The following OSBPL9 variants were observed in gnomAD, a reference collection of about 807,000 sequenced individuals.
The protein encoded by OSBPL9 is oxysterol-binding protein-related protein 9.
OSBPL9 carries 40 observed loss-of-function variants against 106.6 expected under a neutral mutation model. That is an observed-to-expected ratio of 0.38 (90% CI 0.29 to 0.49). The LOEUF (loss-of-function observed/expected upper bound fraction) is 0.49. OSBPL9 is among the 20% of genes least tolerant of loss of function. The pLI is 0.97. For synonymous variants in OSBPL9, 269 were observed against 295.4 expected (o/e 0.91, Z 0.92); for missense variants, 609 against 887.2 (o/e 0.69, Z 3.98).
intron 1 of OSBPL9, among the ~76,000 whole-genome samples, chr1:51,625,988 A>G (rs776247654): frequency 1.3e-5 from 2 of 152,088 alleles, no homozygotes; most frequent in Non-Finnish European, 2.9e-5. Flanking sequence ...TTGATTGTCT[A>G]TTTCTTGGAG....
At chr1:51,628,017 A>G (rs1158934898) in intron 1 of OSBPL9, among the ~76,000 whole-genome samples, 1 of 151,488 alleles carries the variant, frequency 6.6e-6, no homozygotes, top group Non-Finnish European at 1.5e-5. Context: ...TTGTACTCTT[A>G]ATTATTTTTC....
intron 1 of OSBPL9, among the ~76,000 whole-genome samples, chr1:51,619,465 C>T (rs572370686): frequency 6.6e-6 from 1 of 152,148 alleles, no homozygotes; most frequent in African/African-American, 2.4e-5. Context: ...ACTTTTTTCC[C>T]CCTCAATGCT....
At chr1:51,749,490 A>G (rs1333431376) in intron 7 of OSBPL9, 2 of 431,348 alleles carry the variant, frequency 4.6e-6, no homozygotes, top group Non-Finnish European at 9.5e-6. Context: ...TTTTTATTTT[A>G]ATTTTTTATA....
chr1:51,771,919 G>A lies in OSBPL9; in HGVS notation c.939-151G>A, dbSNP rs151146066. On this transcript the variant is annotated intron_variant, in intron 12 of 23. Transcript: ENST00000428468. ...AACATGGCTTTGTTGAGCACATCCTGTGCATAAAGGATAAGACAAGAGACC... is the reference window on the plus strand; with the variant it reads ...AACATGGCTTTGTTGAGCACATCCTATGCATAAAGGATAAGACAAGAGACC... 1,660 of 566,986 alleles carry A rather than the reference G, an allele frequency of 2.9e-3. 35 individuals carry two copies. The Admixed American group carries it at 0.03, about 10-fold the overall frequency. The allele number at this position is 566,986 out of a possible 1,614,324, so 35.1% of individuals were successfully genotyped here.
At chr1:51,671,969 A>G (rs1207847364) in intron 3 of OSBPL9, among the ~76,000 whole-genome samples, 2 of 152,204 alleles carry the variant, frequency 1.3e-5, no homozygotes, top group African/African-American at 4.8e-5. Flanking sequence ...ATATATTTGA[A>G]GAACAGCTAG....
intron 1 of OSBPL9, among the ~76,000 whole-genome samples, chr1:51,650,870 G>A (rs182467068): frequency 1.5e-4 from 23 of 152,274 alleles, no homozygotes; most frequent in African/African-American, 4.8e-4. Context: ...TAGCACTTTT[G>A]CATAACATAG....
At chr1:51,570,336 T>G in the OSBPL9 span, among the ~76,000 whole-genome samples, 2 of 152,214 alleles carry the variant, frequency 1.3e-5, no homozygotes, top group South Asian at 4.1e-4. Flanking sequence ...TTCTCCTAAT[T>G]TCTCTGCTTT....
At chr1:51,711,939 A>G (rs1378360182) in intron 3 of OSBPL9, among the ~76,000 whole-genome samples, 3 of 150,848 alleles carry the variant, frequency 2.0e-5, no homozygotes, top group African/African-American at 7.3e-5. Context: ...CTAGGCAGCC[A>G]GGCAGAGGGG....
At chr1:51,532,086 G>A in the OSBPL9 span, among the ~76,000 whole-genome samples, 1 of 152,220 alleles carries the variant, frequency 6.6e-6, no homozygotes, top group Non-Finnish European at 1.5e-5. Flanking sequence ...GAAGTCTTTG[G>A]TGACCTTGGT....
intron 20 of OSBPL9, 176 bp downstream of exon 20, chr1:51,784,758 CAT>C (rs1677209439): frequency 1.5e-5 from 11 of 745,724 alleles, no homozygotes; most frequent in Middle Eastern, 2.8e-4. Flanking sequence ...AGACCTAAAA[CAT>C]ATATTCAGAG....
chr1:51,643,150 A>G (rs1645914673), intron 1 of OSBPL9, among the ~76,000 whole-genome samples: 1 of 152,146 alleles, frequency 6.6e-6, no homozygotes, highest in African/African-American at 2.4e-5. Flanking sequence ...ATCAATAAAG[A>G]GCACACTCCT....
the OSBPL9 span, among the ~76,000 whole-genome samples, chr1:51,518,735 T>G: frequency 2.0e-5 from 3 of 151,870 alleles, no homozygotes; most frequent in African/African-American, 7.2e-5. Context: ...CAACTCCTAC[T>G]GGGGGCGGCG....
At chr1:51,527,428 C>T in the OSBPL9 span, among the ~76,000 whole-genome samples, 1 of 151,890 alleles carries the variant, frequency 6.6e-6, no homozygotes, top group Non-Finnish European at 1.5e-5. Flanking sequence ...AGGGACTCAC[C>T]CTGTTGCCCA....
At chr1:51,697,053 G>A (rs1283106401) in intron 3 of OSBPL9, among the ~76,000 whole-genome samples, 2 of 151,850 alleles carry the variant, frequency 1.3e-5, no homozygotes, top group African/African-American at 4.8e-5. Context: ...CTAACTACTT[G>A]GGAGATTGAA....
chr1:51,671,922 A>G (rs1649971033), intron 3 of OSBPL9, among the ~76,000 whole-genome samples: 1 of 152,124 alleles, frequency 6.6e-6, no homozygotes, highest in Non-Finnish European at 1.5e-5. Flanking sequence ...ACACAGTCAT[A>G]TACTTTGTTT....
At chr1:51,580,762 G>A (rs1272372903) in intron 1 of OSBPL9, among the ~76,000 whole-genome samples, 2 of 150,138 alleles carry the variant, frequency 1.3e-5, no homozygotes, top group African/African-American at 4.9e-5. Flanking sequence ...ATTTTTCAAC[G>A]TAAAATAATT....
At chr1:51,657,975 G>A (rs1217714548) in intron 2 of OSBPL9, among the ~76,000 whole-genome samples, 1 of 152,036 alleles carries the variant, frequency 6.6e-6, no homozygotes, top group Non-Finnish European at 1.5e-5. Flanking sequence ...TGGGTGTGGT[G>A]GCTTACACCT....
At chr1:51,763,776 G>C (rs1026602664) in intron 11 of OSBPL9, among the ~76,000 whole-genome samples, 1 of 152,126 alleles carries the variant, frequency 6.6e-6, no homozygotes, top group African/African-American at 2.4e-5. Context: ...GCTGACTTCT[G>C]TATTTCCTGA....
chr1:51,604,587 G>GT (rs1320393027), intron 2 of OSBPL9, among the ~76,000 whole-genome samples: 1 of 152,024 alleles, frequency 6.6e-6, no homozygotes, highest in Admixed American at 6.6e-5. Context: ...GGTATTTATT[G>GT]TAAGTCCATC....
Sources: gnomAD v4.1 joint callset for allele counts (sites outside exome capture counted in the v4.1 genomes callset) on GRCh38, gnomAD v4.1.1 for gene constraint, MANE v1.5 for transcripts, NCBI Gene and HGNC (gene_info 2026-07-23, HGNC 2026-07-21) for gene names.